The following NAV2 variants were observed in gnomAD, a reference collection of about 807,000 sequenced individuals.
NAV2 encodes helicase, APC down-regulated 1.
NAV2 carries 54 observed loss-of-function variants against 223.2 expected under a neutral mutation model. The ratio of observed to expected loss-of-function variants is 0.24; its 90% CI spans 0.19 to 0.30. NAV2 has a LOEUF of 0.30. Among genes scored for constraint, NAV2 ranks in the 10% least tolerant of loss-of-function variants. NAV2 has a pLI of 1.00. For missense variants in NAV2, 2,806 were observed against 3,147.5 expected (o/e 0.89, Z 2.60); for synonymous variants, 1,279 against 1,239.3 (o/e 1.03, Z -0.67).
intron 14 of NAV2, among the ~76,000 whole-genome samples, chr11:20,047,286 A>C (rs747176868): frequency 2.6e-5 from 4 of 152,260 alleles, no homozygotes; most frequent in Non-Finnish European, 5.9e-5. Context: ...ACGGCTCTAC[A>C]TTGAACACCT....
At position 19,892,426 on chromosome 11, in the gene NAV2, C is replaced by T; in HGVS notation, c.771-8C>T. The T allele has an allele frequency of 1.2e-6, 2 of 1,612,710 alleles. No homozygotes were observed. Among genetic ancestry groups the T allele is most frequent in the Non-Finnish European group, 8.5e-7 (1 of 1,179,398 alleles). ...TGAATGCATTATCCTGTTGCTTTTG[C>T]ATTTTAGACTTCCAGGTCCTACCGC... is the stretch of plus-strand genomic sequence containing the variant. On this transcript the variant is annotated splice_region_variant and splice_polypyrimidine_tract_variant and intron_variant, in intron 5 of 37. Transcript: ENST00000349880.
chr11:20,087,041 G>A (rs1565031457), intron 26 of NAV2, among the ~76,000 whole-genome samples: 1 of 152,138 alleles, frequency 6.6e-6, no homozygotes, highest in Non-Finnish European at 1.5e-5. Context: ...AGGGCAAGAG[G>A]GCAAGAGGAC....
Position 19,654,184 on chromosome 11 carries a change from G to C in NAV2, c.76-178300G>C, listed in dbSNP as rs372982302. Among the ~76,000 whole-genome samples, 25 of 152,200 alleles carry C rather than the reference G, an allele frequency of 1.6e-4. No homozygotes were observed. In the East Asian group the frequency reaches 3.7e-3, roughly 22 times the overall value. ...AAATACCTAGGAATCCAACTTACAA[G>C]GGATGTGAAGGACCTCTTCAAGGAG... is the stretch of plus-strand genomic sequence containing the variant. On this transcript the variant is annotated intron_variant, in intron 1 of 37. Transcript: ENST00000360655.
At chr11:19,778,081 C>G (rs2056429490) in intron 1 of NAV2, 28 of 417,754 alleles carry the variant, frequency 6.7e-5, no homozygotes, top group South Asian at 4.8e-4. Context: ...TACTTTTTCC[C>G]TCCTCCGTTT....
chr11:20,098,211 T>C (rs1364608739), intron 31 of NAV2, among the ~76,000 whole-genome samples: 1 of 152,146 alleles, frequency 6.6e-6, no homozygotes, highest in Non-Finnish European at 1.5e-5. Context: ...TACCTAGTGA[T>C]ATTAAGCCCC....
At chr11:19,557,642 A>G (rs971532359) in intron 1 of NAV2, among the ~76,000 whole-genome samples, 1 of 152,176 alleles carries the variant, frequency 6.6e-6, no homozygotes, top group African/African-American at 2.4e-5. Flanking sequence ...ACACACTTCA[A>G]CTTGAGCTTC....
chr11:19,463,019 C>A (rs1259584555), intron 1 of NAV2, among the ~76,000 whole-genome samples: 2 of 152,202 alleles, frequency 1.3e-5, no homozygotes, highest in South Asian at 2.1e-4. Flanking sequence ...GCTGAAAGAG[C>A]AATAGCTATG....
At chr11:19,797,668 A>C (rs1360442178) in intron 1 of NAV2, among the ~76,000 whole-genome samples, 1 of 152,170 alleles carries the variant, frequency 6.6e-6, no homozygotes. Flanking sequence ...GGAACGAGCC[A>C]GTTCTAGCAC....
chr11:19,942,328 G>A (rs111979941), intron 8 of NAV2, among the ~76,000 whole-genome samples: 91 of 152,284 alleles, frequency 6.0e-4, no homozygotes, highest in African/African-American at 2.1e-3. Flanking sequence ...GAGCCCTGGA[G>A]GAAGGCAAAT....
intron 1 of NAV2, among the ~76,000 whole-genome samples, chr11:19,740,579 A>G (rs10766585): frequency 3.3e-5 from 5 of 152,004 alleles, no homozygotes; most frequent in African/African-American, 1.2e-4. Flanking sequence ...AAAAATAAAA[A>G]TAAAAATAAA....
At chr11:19,581,428 G>T (rs1036674033) in intron 1 of NAV2, among the ~76,000 whole-genome samples, 2 of 152,064 alleles carry the variant, frequency 1.3e-5, no homozygotes, top group Non-Finnish European at 2.9e-5. Context: ...GTGCAGGTTT[G>T]TTACATATGT....
At chr11:19,827,161 G>A (rs188079176) in intron 1 of NAV2, among the ~76,000 whole-genome samples, 49 of 152,286 alleles carry the variant, frequency 3.2e-4, no homozygotes, top group Middle Eastern at 3.4e-3. Context: ...GGTGTGTCCA[G>A]TTTTCCTGAG....
intron 1 of NAV2, among the ~76,000 whole-genome samples, chr11:19,779,553 G>A (rs1177536669): frequency 1.3e-5 from 2 of 152,236 alleles, no homozygotes; most frequent in Non-Finnish European, 2.9e-5. Context: ...GATTTTGCTT[G>A]CAGATGATTC....
chr11:19,879,343 A>G, intron 4 of NAV2, among the ~76,000 whole-genome samples: 1 of 151,980 alleles, frequency 6.6e-6, no homozygotes, highest in Non-Finnish European at 1.5e-5. Context: ...CCCTATACCC[A>G]CCCCAAATTA....
intron 1 of NAV2, among the ~76,000 whole-genome samples, chr11:19,406,169 C>T (rs897179463): frequency 1.3e-4 from 20 of 152,292 alleles, no homozygotes; most frequent in African/African-American, 3.8e-4. Context: ...TTACAGCTGG[C>T]GGGAAACTTG....
chr11:19,966,517 C>CCCGT (rs764949186), intron 10 of NAV2, among the ~76,000 whole-genome samples: 2 of 152,228 alleles, frequency 1.3e-5, no homozygotes, highest in Non-Finnish European at 2.9e-5. Context: ...TCACTGACCA[C>CCCGT]CCGTCCTCTC....
At chr11:19,954,339 A>G (rs573970500) in intron 10 of NAV2, among the ~76,000 whole-genome samples, 76 of 152,276 alleles carry the variant, frequency 5.0e-4, no homozygotes, top group African/African-American at 1.7e-3. Flanking sequence ...TCCATCAACA[A>G]ATATGGGCAC....
chr11:19,988,870 C>T (rs1468817602), intron 11 of NAV2, among the ~76,000 whole-genome samples: 3 of 152,174 alleles, frequency 2.0e-5, no homozygotes, highest in African/African-American at 4.8e-5. Flanking sequence ...CAAAGCAGGC[C>T]TCCTGGCACC....
chr11:19,609,748 A>G (rs959749248), intron 1 of NAV2, among the ~76,000 whole-genome samples: 1 of 152,240 alleles, frequency 6.6e-6, no homozygotes, highest in Non-Finnish European at 1.5e-5. Context: ...ACAAATGATT[A>G]TTGGCCATGC....
Sources: gnomAD v4.1 joint callset for allele counts (sites outside exome capture counted in the v4.1 genomes callset) on GRCh38, gnomAD v4.1.1 for gene constraint, MANE v1.5 for transcripts, NCBI Gene and HGNC (gene_info 2026-07-23, HGNC 2026-07-21) for gene names.